The following MAP3K5 variants were observed in gnomAD, a reference collection of about 807,000 sequenced individuals.
MAP3K5 encodes ASK-1.
Under a neutral mutation model 158.7 loss-of-function variants are expected in MAP3K5, and 56 were observed. That is an observed-to-expected ratio of 0.35 (90% CI 0.28 to 0.44). The LOEUF (loss-of-function observed/expected upper bound fraction) is 0.44, where lower values mean the gene tolerates loss of function less well. MAP3K5 is among the 20% of genes least tolerant of loss of function. MAP3K5 has a pLI of 1.00. For missense variants in MAP3K5, 1,294 were observed against 1,674.8 expected (o/e 0.77, Z 3.97); for synonymous variants, 579 against 601.7 (o/e 0.96, Z 0.55).
At chr6:136,603,177 T>C (rs1399526085) in intron 19 of MAP3K5, among the ~76,000 whole-genome samples, 1 of 138,400 alleles carries the variant, frequency 7.2e-6, no homozygotes, top group Non-Finnish European at 1.6e-5. Context: ...ATACAGGTAC[T>C]TTTTTTTTTT....
intron 1 of MAP3K5, among the ~76,000 whole-genome samples, chr6:136,779,818 A>C (rs1054275687): frequency 2.6e-5 from 4 of 152,128 alleles, no homozygotes; most frequent in Admixed American, 6.5e-5. Flanking sequence ...TCACATCCAA[A>C]ACCTAGAGGA....
intron 1 of MAP3K5, among the ~76,000 whole-genome samples, chr6:136,723,836 C>A (rs943283602): frequency 6.6e-6 from 1 of 151,996 alleles, no homozygotes; most frequent in African/African-American, 2.4e-5. Flanking sequence ...TTTTTTTCCC[C>A]CCTCAAGGCT....
chr6:136,557,878 A>G (rs1384763931), intron 29 of MAP3K5, 60 bp from the exon 30 acceptor site: 5 of 1,124,688 alleles, frequency 4.4e-6, no homozygotes, highest in Middle Eastern at 1.9e-4. Flanking sequence ...TTGCCCTTGA[A>G]ATAGAAAAGT....
rs751129150 is a variant in MAP3K5, at chr6:136,557,775, G to A, written c.4108C>T (p.Arg1370Ter). Residue 1370 changes from arginine (R) to a stop codon, truncating the protein, a stop_gained, in exon 30 of 30, where the codon CGA becomes TGA. Transcript: ENST00000359015. LOFTEE classifies it high-confidence loss of function. Reference protein sequence around the residue: ...CTLWKAIIDFRNKQT With the variant: ...CTLWKAIIDF ...AGCAACAGTCAAGTCTGTTTGTTTC[G>A]AAAGTCAATGATAGCCTTCCACAGT... 1.9e-6 allele frequency: 3 copies of A among 1,612,250 alleles called. No individual in the cohort carries two copies. Among genetic ancestry groups the A allele is most frequent in the South Asian group, 1.1e-5 (1 of 91,020 alleles).
chr6:136,650,883 T>C lies in MAP3K5; in HGVS notation c.1788+101A>G, dbSNP rs11969650. 5,631 of 631,044 alleles carry C rather than the reference T, an allele frequency of 8.9e-3. 233 individuals are homozygous for C. In the African/African-American group the frequency reaches 0.093, roughly 10 times the overall value. 39.1% of individuals were successfully genotyped at this position (631,044 alleles called of 1,614,324 possible). A position where few individuals can be genotyped will look rare whatever the true frequency, so the allele number is the denominator to read the frequency against. ...AAGACAGACACACAGCTGAGCTATT[T>C]CTTCTTAACTAACACAGACATTTGC... On this transcript the variant is annotated intron_variant, in intron 11 of 29. Coordinates refer to ENST00000359015, the MANE Select transcript of MAP3K5 (RefSeq NM_005923.4).
chr6:136,692,628 G>T (rs893620126), intron 7 of MAP3K5, among the ~76,000 whole-genome samples: 4 of 152,304 alleles, frequency 2.6e-5, no homozygotes, highest in Middle Eastern at 6.8e-3. Flanking sequence ...AAGCACAATA[G>T]AATCTACTCT....
chr6:136,651,943 T>C (rs1002986424), intron 10 of MAP3K5, among the ~76,000 whole-genome samples: 2 of 152,128 alleles, frequency 1.3e-5, no homozygotes, highest in African/African-American at 2.4e-5. Context: ...CCAAATTTCC[T>C]AGGCAGACTT....
chr6:136,605,157 A>G, intron 19 of MAP3K5, 52 bp downstream of exon 19: 2 of 1,572,906 alleles, frequency 1.3e-6, no homozygotes, highest in East Asian at 2.2e-5. Context: ...CAGAACATCC[A>G]ACAGCTATAA....
chr6:136,661,406 T>C (rs1043237097), intron 8 of MAP3K5, among the ~76,000 whole-genome samples: 1 of 152,146 alleles, frequency 6.6e-6, no homozygotes, highest in African/African-American at 2.4e-5. Context: ...TTTGTTGTTG[T>C]TGTTTTTGAG....
At chr6:136,731,620 A>G (rs1213162774) in intron 1 of MAP3K5, among the ~76,000 whole-genome samples, 1 of 152,230 alleles carries the variant, frequency 6.6e-6, no homozygotes, top group East Asian at 1.9e-4. Flanking sequence ...GGTACCATGC[A>G]CATGTTCCAG....
Position 136,611,161 on chromosome 6 carries a change from A to G in MAP3K5, c.2521+121T>C, listed in dbSNP as rs1272709234. On this transcript the variant is annotated intron_variant, in intron 18 of 29. Transcript: ENST00000359015. ...AAAGAAAAGAAAAGAAAAGAAAGAA[A>G]AAAGATACCAACATTACTGTGTGTG... 8.5e-5 allele frequency: 43 copies of G among 503,888 alleles called. No individual in the cohort carries two copies. The Admixed American group carries it at 1.4e-3, about 16-fold the overall frequency. 31.2% of individuals were successfully genotyped at this position (503,888 alleles called of 1,614,324 possible).
At chr6:136,713,242 C>T (rs913888914) in intron 2 of MAP3K5, among the ~76,000 whole-genome samples, 4 of 152,122 alleles carry the variant, frequency 2.6e-5, no homozygotes, top group African/African-American at 9.7e-5. Flanking sequence ...AGGCCTACGA[C>T]CAGAGTCACT....
At chr6:136,667,818 C>T (rs979727632) in intron 8 of MAP3K5, among the ~76,000 whole-genome samples, 1 of 151,008 alleles carries the variant, frequency 6.6e-6, no homozygotes, top group Non-Finnish European at 1.5e-5. Flanking sequence ...GCCATTGTGC[C>T]CTGAGCAGCA....
chr6:136,710,047 TCA>T (rs1390796955), intron 2 of MAP3K5, among the ~76,000 whole-genome samples: 3 of 152,248 alleles, frequency 2.0e-5, no homozygotes, highest in Non-Finnish European at 4.4e-5. Context: ...CAGAGTTTAT[TCA>T]CAGTTTATCA....
intron 1 of MAP3K5, among the ~76,000 whole-genome samples, chr6:136,769,669 T>G (rs1263975666): frequency 6.8e-6 from 1 of 148,062 alleles, no homozygotes; most frequent in Admixed American, 6.8e-5. Flanking sequence ...ACATTCACTT[T>G]TTATCCCTAA....
At chr6:136,700,811 A>G (rs1158846178) in intron 3 of MAP3K5, among the ~76,000 whole-genome samples, 1 of 152,214 alleles carries the variant, frequency 6.6e-6, no homozygotes, top group South Asian at 2.1e-4. Context: ...TATGAGAAAA[A>G]TCATAGAAAA....
At chr6:136,704,538 A>G (rs1780989324) in intron 3 of MAP3K5, among the ~76,000 whole-genome samples, 1 of 151,766 alleles carries the variant, frequency 6.6e-6, no homozygotes, top group Admixed American at 6.6e-5. Context: ...ACTATAAAAG[A>G]TTTTCTTTTT....
intron 7 of MAP3K5, among the ~76,000 whole-genome samples, chr6:136,679,340 A>C (rs1779836843): frequency 6.6e-6 from 1 of 152,230 alleles, no homozygotes. Flanking sequence ...GAAGACACTG[A>C]GCTCAAGTCA....
intron 1 of MAP3K5, among the ~76,000 whole-genome samples, chr6:136,733,072 T>C (rs906150749): frequency 6.6e-6 from 1 of 152,214 alleles, no homozygotes; most frequent in African/African-American, 2.4e-5. Flanking sequence ...TAATCACGGC[T>C]CACTGCATCC....
Sources: allele counts gnomAD v4.1 joint callset (sites outside exome capture counted in the v4.1 genomes callset), GRCh38; gene constraint gnomAD v4.1.1; transcripts MANE v1.5; gene names NCBI Gene and HGNC (gene_info 2026-07-23, HGNC 2026-07-21).